The following RGS7 variants were observed in gnomAD, a reference collection of about 807,000 sequenced individuals.
RGS7 encodes the protein regulator of G-protein signaling 7.
In RGS7, 27 loss-of-function variants were observed where a neutral mutation model predicts 81.1. The observed-to-expected ratio is 0.33, with a 90% CI of 0.25 to 0.46. The LOEUF is 0.46. Among genes scored for constraint, RGS7 ranks in the 20% least tolerant of loss-of-function variants. The pLI is 1.00. For synonymous variants in RGS7, 208 were observed against 207.7 expected, an observed-to-expected ratio of 1.00 and a Z score of -0.01; for missense variants, 396 against 607.4, an observed-to-expected ratio of 0.65 and a Z score of 3.66.
At chr1:241,055,193 G>A (rs2061420319) in intron 3 of RGS7, among the ~76,000 whole-genome samples, 1 of 152,188 alleles carries the variant, frequency 6.6e-6, no homozygotes, top group Non-Finnish European at 1.5e-5. Flanking sequence ...TCAGTTGGAT[G>A]TCCTTTCAAT....
intron 3 of RGS7, among the ~76,000 whole-genome samples, chr1:241,004,888 G>A (rs766530159): frequency 2.0e-5 from 3 of 152,190 alleles, no homozygotes; most frequent in Non-Finnish European, 4.4e-5. Context: ...CCCGCCTCGG[G>A]CCAGAGGGAT....
chr1:241,138,672 C>G (rs1308503377), intron 2 of RGS7, among the ~76,000 whole-genome samples: 3 of 152,184 alleles, frequency 2.0e-5, no homozygotes, highest in Non-Finnish European at 4.4e-5. Flanking sequence ...TGTCTATATC[C>G]TCTGTTTAAT....
intron 2 of RGS7, among the ~76,000 whole-genome samples, chr1:241,227,873 G>A (rs1456747926): frequency 6.6e-6 from 1 of 152,188 alleles, no homozygotes; most frequent in Non-Finnish European, 1.5e-5. Flanking sequence ...GTTTTCTGAA[G>A]GTAGGTGTTC....
chr1:241,295,654 A>T (rs1487420394), intron 2 of RGS7, among the ~76,000 whole-genome samples: 3 of 152,154 alleles, frequency 2.0e-5, no homozygotes, highest in African/African-American at 4.8e-5. Context: ...TTAGGGGCAG[A>T]GATTTTCTTC....
chr1:240,982,030 GTTTTCTCAGAA>G (rs1282662426), intron 4 of RGS7, among the ~76,000 whole-genome samples: 1 of 152,040 alleles, frequency 6.6e-6, no homozygotes, highest in Non-Finnish European at 1.5e-5. Context: ...ATTGTTTTCT[GTTTTCTCAGAA>G]TCTTCTCTGA....
chr1:240,999,435 A>G (rs1187955230), intron 3 of RGS7, among the ~76,000 whole-genome samples: 1 of 152,162 alleles, frequency 6.6e-6, no homozygotes, highest in Non-Finnish European at 1.5e-5. Flanking sequence ...CTTTTGGGCC[A>G]TATTCAAAGA....
intron 18 of RGS7, among the ~76,000 whole-genome samples, chr1:240,793,586 A>AATATATATATATATATAT (rs777839011): frequency 8.6e-4 from 88 of 102,252 alleles, no homozygotes; most frequent in African/African-American, 2.2e-3. Context: ...GTGTAGTAGG[A>AATATATATATATATATAT]ATATATATAT....
At chr1:241,156,600 G>A (rs568903321) in intron 2 of RGS7, among the ~76,000 whole-genome samples, 1 of 150,016 alleles carries the variant, frequency 6.7e-6, no homozygotes, top group African/African-American at 2.4e-5. Context: ...GGGAGACGAG[G>A]GGAGGGGAGG....
At position 241,156,722 on chromosome 1, in the gene RGS7, C is replaced by T. The variant is rs917211855; in HGVS notation, c.79-57960G>A. The stretch of plus-strand genomic sequence containing the variant: ...GATTGACCCAGCTGCAGAGAACTGC[C>T]TCACACAAGGTCACACCCCTTCCTG... On this transcript the variant is annotated intron_variant, in intron 2 of 18. Transcript: ENST00000440928. 5.3e-5 allele frequency among the ~76,000 whole-genome samples: 8 copies of T among 152,082 alleles called. No individual in the cohort carries two copies. In the East Asian group the frequency reaches 7.7e-4, roughly 15 times the overall value.
At chr1:241,028,352 T>C (rs907127080) in intron 3 of RGS7, among the ~76,000 whole-genome samples, 1 of 152,218 alleles carries the variant, frequency 6.6e-6, no homozygotes, top group Non-Finnish European at 1.5e-5. Flanking sequence ...GGAAAGAGTT[T>C]GGAACTCATA....
intron 6 of RGS7, among the ~76,000 whole-genome samples, chr1:240,901,208 T>C (rs1424066463): frequency 1.3e-5 from 2 of 152,156 alleles, no homozygotes; most frequent in Non-Finnish European, 2.9e-5. Context: ...TTCCCTTGGC[T>C]AGGAAAGGGA....
At chr1:240,808,382 A>G (rs1252317570) in intron 14 of RGS7, among the ~76,000 whole-genome samples, 10 of 152,172 alleles carry the variant, frequency 6.6e-5, no homozygotes, top group Non-Finnish European at 1.5e-5. Context: ...TAAGCATAAA[A>G]TATAAAGGGG....
chr1:241,263,231 C>A (rs1398104012), intron 2 of RGS7, among the ~76,000 whole-genome samples: 1 of 152,048 alleles, frequency 6.6e-6, no homozygotes, highest in Non-Finnish European at 1.5e-5. Context: ...GACCCGAGAT[C>A]TCGCCACTGC....
chr1:241,256,517 C>A (rs2077057206), intron 2 of RGS7, among the ~76,000 whole-genome samples: 1 of 152,142 alleles, frequency 6.6e-6, no homozygotes, highest in Non-Finnish European at 1.5e-5. Flanking sequence ...ATACTCAGGT[C>A]AGGTTGCCAT....
chr1:240,835,607 CTT>C (rs1558327615), intron 9 of RGS7, among the ~76,000 whole-genome samples: 1 of 152,168 alleles, frequency 6.6e-6, no homozygotes, highest in East Asian at 1.9e-4. Context: ...GAGTCGAAAA[CTT>C]ATGTTCACAA....
intron 2 of RGS7, among the ~76,000 whole-genome samples, chr1:241,177,874 G>C (rs1405049341): frequency 7.2e-6 from 1 of 139,676 alleles, no homozygotes; most frequent in Admixed American, 6.9e-5. Context: ...TCAGGGAAAA[G>C]TGGGGAGGAA....
chr1:240,947,615 C>A (rs778737398), intron 4 of RGS7, among the ~76,000 whole-genome samples: 2 of 152,162 alleles, frequency 1.3e-5, no homozygotes, highest in East Asian at 1.9e-4. Context: ...CCACCCACAT[C>A]CACCACCTCC....
chr1:241,346,887 G>A (rs1023018402), intron 2 of RGS7, among the ~76,000 whole-genome samples: 2 of 152,028 alleles, frequency 1.3e-5, no homozygotes, highest in Non-Finnish European at 2.9e-5. Flanking sequence ...TTTCCAGAGC[G>A]AATGCACCTA....
chr1:241,181,387 T>C (rs1337053708), intron 2 of RGS7, among the ~76,000 whole-genome samples: 4 of 152,156 alleles, frequency 2.6e-5, no homozygotes. Flanking sequence ...ATAAAATACA[T>C]TTAAAACAAT....
Sources: gnomAD v4.1 joint callset for allele counts (sites outside exome capture counted in the v4.1 genomes callset) on GRCh38, gnomAD v4.1.1 for gene constraint, MANE v1.5 for transcripts, NCBI Gene and HGNC (gene_info 2026-07-23, HGNC 2026-07-21) for gene names.